XPR1: variants seen among roughly 807,000 people sequenced by gnomAD.
XPR1 encodes the protein solute carrier family 53 member 1.
Under a neutral mutation model 87.5 loss-of-function variants are expected in XPR1, and 28 were observed. The observed-to-expected ratio is 0.32, with a 90% CI of 0.24 to 0.44. XPR1 has a LOEUF of 0.44. Among genes scored for constraint, XPR1 ranks in the 20% least tolerant of loss-of-function variants. The pLI is 1.00. For synonymous variants in XPR1, 300 were observed against 306.1 expected (o/e 0.98, Z 0.21); for missense variants, 559 against 862.3 (o/e 0.65, Z 4.41).
chr1:180,759,193 C>T (rs1647887252), intron 2 of XPR1, among the ~76,000 whole-genome samples: 1 of 152,070 alleles, frequency 6.6e-6, no homozygotes, highest in Non-Finnish European at 1.5e-5. Context: ...ACCCTAACAT[C>T]ACAATAAAAA....
chr1:180,659,202 CTT>C (rs1480426874), intron 1 of XPR1, among the ~76,000 whole-genome samples: 2 of 26,150 alleles, frequency 7.6e-5, no homozygotes, highest in Non-Finnish European at 1.6e-4. Flanking sequence ...GTCTTCCTTC[CTT>C]CCTTCCTTCC....
At chr1:180,836,793 A>G (rs1651310773) in intron 11 of XPR1, 77 bp downstream of exon 11, 4 of 1,510,442 alleles carry the variant, frequency 2.6e-6, no homozygotes, top group Non-Finnish European at 3.6e-6. Context: ...TACTCTGGCT[A>G]CTTTTCCATT....
Position 180,745,596 on chromosome 1 carries a change from G to A in XPR1, c.122-42157G>A, listed in dbSNP as rs561791977. 3.3e-5 allele frequency among the ~76,000 whole-genome samples: 5 copies of A among 152,298 alleles called. No individual in the cohort carries two copies. In the South Asian group the frequency reaches 1.0e-3, roughly 32 times the overall value. ...AGAGAATGGATAAAAGAAGAAAAGG[G>A]GGGGATGTTTCCTCAGTGAATGTTA... On this transcript the variant is annotated intron_variant, in intron 2 of 14. Transcript: ENST00000367590.
intron 2 of XPR1, among the ~76,000 whole-genome samples, chr1:180,741,148 A>G (rs1454729474): frequency 6.6e-6 from 1 of 152,094 alleles, no homozygotes; most frequent in East Asian, 1.9e-4. Flanking sequence ...CCCTCCTTGA[A>G]GTTATCTGCG....
At chr1:180,851,247 A>G (rs973952240) in intron 11 of XPR1, among the ~76,000 whole-genome samples, 1 of 152,194 alleles carries the variant, frequency 6.6e-6, no homozygotes, top group Non-Finnish European at 1.5e-5. Context: ...GAGAGACAAT[A>G]TATTTTCCAC....
intron 2 of XPR1, among the ~76,000 whole-genome samples, chr1:180,769,059 AT>A (rs1465763565): frequency 3.9e-5 from 6 of 151,982 alleles, no homozygotes; most frequent in South Asian, 2.1e-4. Context: ...GCAAAAAAAA[AT>A]CTATATCTGT....
intron 2 of XPR1, among the ~76,000 whole-genome samples, chr1:180,686,982 TTCTC>T (rs1381305457): frequency 6.6e-6 from 1 of 152,180 alleles, no homozygotes; most frequent in Non-Finnish European, 1.5e-5. Context: ...ATATATTTAA[TTCTC>T]TAATATTTAA....
chr1:180,676,099 A>C (rs575459616), intron 1 of XPR1, among the ~76,000 whole-genome samples: 1 of 152,326 alleles, frequency 6.6e-6, no homozygotes, highest in East Asian at 1.9e-4. Flanking sequence ...CAAATTCATC[A>C]TCTTCAGAAT....
chr1:180,667,231 A>G (rs1655994004), intron 1 of XPR1, among the ~76,000 whole-genome samples: 1 of 152,054 alleles, frequency 6.6e-6, no homozygotes, highest in Admixed American at 6.6e-5. Flanking sequence ...GTCTTTCACC[A>G]TTCATTGTGG....
chr1:180,838,148 CAT>C (rs1651371515), intron 11 of XPR1, among the ~76,000 whole-genome samples: 1 of 152,056 alleles, frequency 6.6e-6, no homozygotes, highest in Admixed American at 6.5e-5. Flanking sequence ...TTTGGTATGT[CAT>C]GTGTATTATA....
intron 11 of XPR1, among the ~76,000 whole-genome samples, chr1:180,860,438 CTG>C: frequency 6.6e-6 from 1 of 152,184 alleles, no homozygotes; most frequent in South Asian, 2.1e-4. Context: ...TTGTCAAAAA[CTG>C]AAAACAGTCT....
intron 12 of XPR1, 75 bp downstream of exon 12, chr1:180,863,949 C>T: frequency 8.2e-7 from 1 of 1,213,368 alleles, no homozygotes; most frequent in Non-Finnish European, 1.1e-6. Flanking sequence ...GCAGTACAGA[C>T]CCAACCTCTA....
At chr1:180,808,452 A>C (rs1650082499) in intron 6 of XPR1, among the ~76,000 whole-genome samples, 1 of 152,154 alleles carries the variant, frequency 6.6e-6, no homozygotes. Context: ...TGACACCAAA[A>C]GCACCTCATC....
At chr1:180,651,045 C>A (rs1244986395) in intron 1 of XPR1, among the ~76,000 whole-genome samples, 1 of 151,732 alleles carries the variant, frequency 6.6e-6, no homozygotes. Flanking sequence ...ACAGGACCCC[C>A]TTTCGATGTC....
At chr1:180,720,339 A>G (rs929425945) in intron 2 of XPR1, among the ~76,000 whole-genome samples, 3 of 152,176 alleles carry the variant, frequency 2.0e-5, no homozygotes, top group African/African-American at 7.2e-5. Flanking sequence ...ATTGTCTTAA[A>G]ACAGTTGGTA....
chr1:180,841,358 T>C (rs971610972), intron 11 of XPR1, among the ~76,000 whole-genome samples: 3 of 151,740 alleles, frequency 2.0e-5, no homozygotes, highest in African/African-American at 7.3e-5. Context: ...TCAGTTCTAT[T>C]CTTCAGCCTA....
chr1:180,723,260 C>T lies in XPR1; in HGVS notation c.121+40849C>T, dbSNP rs973633143. On this transcript the variant is annotated intron_variant, in intron 2 of 14. Coordinates refer to ENST00000367590, the MANE Select transcript of XPR1 (RefSeq NM_004736.4). ...AGTTATAAAGTAACCATTAGCAATACTGCATAACAGAAACTTTACAACTTA... is the reference window on the plus strand; with the variant it reads ...AGTTATAAAGTAACCATTAGCAATATTGCATAACAGAAACTTTACAACTTA... 2.8e-4 allele frequency among the ~76,000 whole-genome samples: 43 copies of T among 152,258 alleles called. 1 individual carries two copies. Among genetic ancestry groups the T allele is most frequent in the African/African-American group, 1.0e-3 (43 of 41,568 alleles).
rs1164439389 is a variant in XPR1, at chr1:180,873,885, T to C, written c.1751T>C (p.Leu584Ser). The change falls in exon 13 of 15, where the codon TTG (leucine) becomes TCG (serine). Residue 584 changes from leucine (L) to serine (S), a missense_variant. By Grantham distance (145) the Leu-to-Ser change is moderately radical. Transcript: ENST00000367590. ...TIQISITSTT[L>S]LPHSGDIIAT... ...CAAATCTCGATTACCTCTACAACTTTGTTGCCTCATTCTGGGGACATCATT... is the reference window on the plus strand; with the variant it reads ...CAAATCTCGATTACCTCTACAACTTCGTTGCCTCATTCTGGGGACATCATT... 6.2e-7 allele frequency: 1 copy of C among 1,614,206 alleles called. No individual in the cohort carries two copies. Among genetic ancestry groups the C allele is most frequent in the Non-Finnish European group, 8.5e-7 (1 of 1,180,030 alleles).
chr1:180,750,715 A>G (rs1191213415), intron 2 of XPR1, among the ~76,000 whole-genome samples: 2 of 152,014 alleles, frequency 1.3e-5, no homozygotes, highest in Non-Finnish European at 2.9e-5. Flanking sequence ...TTGTTTGACT[A>G]TTTTAACTTT....
Sources: gnomAD v4.1 joint callset for allele counts (sites outside exome capture counted in the v4.1 genomes callset) on GRCh38, gnomAD v4.1.1 for gene constraint, MANE v1.5 for transcripts, NCBI Gene and HGNC (gene_info 2026-07-23, HGNC 2026-07-21) for gene names.